The following BCL7A variants were observed in gnomAD, a reference collection of about 807,000 sequenced individuals.
The protein encoded by BCL7A is B-cell CLL/lymphoma 7 protein family member A.
BCL7A carries 11 observed loss-of-function variants against 28.4 expected under a neutral mutation model. The observed-to-expected ratio is 0.39, with a 90% CI of 0.24 to 0.64. The LOEUF is 0.64. Among genes scored for constraint, BCL7A ranks in the 30% least tolerant of loss-of-function variants. The probability of loss-of-function intolerance (pLI) is 0.50; values close to 1 mark genes in which losing one functional copy is unlikely to be tolerated. For missense variants in BCL7A, 222 were observed against 274.8 expected, an observed-to-expected ratio of 0.81 and a Z score of 1.36; for synonymous variants, 123 against 103.3, an observed-to-expected ratio of 1.19 and a Z score of -1.15.
intron 5 of BCL7A, among the ~76,000 whole-genome samples, chr12:122,056,990 G>C (rs1951882686): frequency 6.6e-6 from 1 of 152,108 alleles, no homozygotes; most frequent in Admixed American, 6.5e-5. Flanking sequence ...ATGGACCAGG[G>C]GCTATACCTA....
intron 2 of BCL7A, among the ~76,000 whole-genome samples, chr12:122,033,899 C>G (rs369683203): frequency 6.6e-6 from 1 of 152,114 alleles, no homozygotes; most frequent in South Asian, 2.1e-4. Flanking sequence ...TCGCCTGCCC[C>G]GGTAACCACC....
At position 122,059,453 on chromosome 12, in the gene BCL7A, T is replaced by C. The variant is rs1322600044; in HGVS notation, c.*290T>C. The C allele has an allele frequency of 2.9e-6, 1 of 346,940 alleles. No homozygotes were observed. Among genetic ancestry groups the C allele is most frequent in the Non-Finnish European group, 5.4e-6 (1 of 186,618 alleles). 21.5% of individuals were successfully genotyped at this position (346,940 alleles called of 1,614,324 possible). A position where few individuals can be genotyped will look rare whatever the true frequency, so the allele number is the denominator to read the frequency against. ...GTCTCGGAAGCCAGGATTCCATTTG[T>C]GTTGCTGCTGTATTTTCCCCCCACT... On this transcript the variant is annotated 3_prime_UTR_variant, in exon 6 of 6. Transcript: ENST00000261822. This position sits in a 1 kb window ranked among gnomAD's most constrained non-coding sequence, Gnocchi z 4.0.
intron 4 of BCL7A, among the ~76,000 whole-genome samples, chr12:122,051,612 G>C (rs1310353206): frequency 6.6e-6 from 1 of 152,056 alleles, no homozygotes; most frequent in Non-Finnish European, 1.5e-5. Context: ...GCCTCTGCCG[G>C]GCACCTCTCT....
At chr12:122,023,964 A>T (rs1883545799) in intron 1 of BCL7A, among the ~76,000 whole-genome samples, 1 of 151,958 alleles carries the variant, frequency 6.6e-6, no homozygotes, top group African/African-American at 2.4e-5. Flanking sequence ...GGGGCCTCCT[A>T]CTCCAGGTTC....
In BCL7A at chr12:122,059,883, G is replaced by A. The variant is rs1329127729; in HGVS notation, c.*720G>A. The A allele has an allele frequency of 1.3e-5, 3 of 232,102 alleles. No homozygotes were observed. Among genetic ancestry groups the A allele is most frequent in the Non-Finnish European group, 2.6e-5 (3 of 117,428 alleles). 14.4% of individuals were successfully genotyped at this position (232,102 alleles called of 1,614,324 possible). A position where few individuals can be genotyped will look rare whatever the true frequency, so the allele number is the denominator to read the frequency against. On this transcript the variant is annotated 3_prime_UTR_variant, in exon 6 of 6. Coordinates refer to ENST00000261822, the MANE Select transcript of BCL7A (RefSeq NM_001024808.3). The surrounding 1 kb of genome is among the most constrained non-coding windows in gnomAD (Gnocchi z 4.0). ...GCCCCTTGGATCAGGCTGGGCACTC[G>A]CTGTGCTCTCCCCTCCTTGGGGCGT...
intron 1 of BCL7A, among the ~76,000 whole-genome samples, chr12:122,022,497 G>A (rs1171864179): frequency 9.8e-5 from 14 of 142,148 alleles, no homozygotes; most frequent in Non-Finnish European, 2.2e-4. Flanking sequence ...CTCGGCTCCC[G>A]GGAGGGGGGC....
chr12:122,060,276 GTTCT>G lies in BCL7A; in HGVS notation c.*1114_*1117del. 4.3e-6 allele frequency: 1 copy of G among 233,040 alleles called. No homozygotes were observed. 14.4% of individuals were successfully genotyped at this position (233,040 alleles called of 1,614,324 possible). A position where few individuals can be genotyped will look rare whatever the true frequency, so the allele number is the denominator to read the frequency against. On this transcript the variant is annotated 3_prime_UTR_variant, in exon 6 of 6. Coordinates refer to ENST00000261822, the MANE Select transcript of BCL7A (RefSeq NM_001024808.3). Reference sequence around the variant, plus strand: ...CCACGTGCTTTCCTATTCTCAGGCTGTTCTGACTCTGAGCCAACAGCTGGACCGT... The same window carrying G: ...CCACGTGCTTTCCTATTCTCAGGCTGGACTCTGAGCCAACAGCTGGACCGT...
chr12:122,021,923 T>C lies in BCL7A; in HGVS notation c.-169T>C. The C allele has an allele frequency of 4.9e-6, 2 of 410,624 alleles. No homozygotes were observed. Among genetic ancestry groups the C allele is most frequent in the Non-Finnish European group, 8.5e-6 (2 of 235,414 alleles). The allele number at this position is 410,624 out of a possible 1,614,324, so 25.4% of individuals were successfully genotyped here. On this transcript the variant is annotated 5_prime_UTR_variant, in exon 1 of 6. Transcript: ENST00000261822. ...GCGCGGCGGCCCCGGGCTTTGTGTG[T>C]GTGTGTATGTGTGTGTGTGTGTGTG...
chr12:122,055,877 A>T (rs546669960), intron 5 of BCL7A, among the ~76,000 whole-genome samples: 2 of 152,284 alleles, frequency 1.3e-5, no homozygotes, highest in African/African-American at 4.8e-5. Context: ...TCAGCCTCTC[A>T]AAGTGCTGGG....
intron 4 of BCL7A, among the ~76,000 whole-genome samples, chr12:122,045,552 T>C (rs1425638953): frequency 6.6e-6 from 1 of 152,036 alleles, no homozygotes; most frequent in African/African-American, 2.4e-5. Context: ...GGGGTGATTG[T>C]GTGAGAGTGT....
chr12:122,031,201 G>A (rs943282366), intron 2 of BCL7A, among the ~76,000 whole-genome samples: 3 of 152,030 alleles, frequency 2.0e-5, no homozygotes, highest in African/African-American at 4.8e-5. Flanking sequence ...CAATTTTTTC[G>A]TATTTTTAGT....
chr12:122,050,593 A>C (rs897290419), intron 4 of BCL7A, among the ~76,000 whole-genome samples: 9 of 152,170 alleles, frequency 5.9e-5, no homozygotes, highest in Admixed American at 5.9e-4. Context: ...GGTCACATAC[A>C]GGGGGACACT....
At chr12:122,024,012 C>T (rs191014807) in intron 1 of BCL7A, among the ~76,000 whole-genome samples, 1 of 152,074 alleles carries the variant, frequency 6.6e-6, no homozygotes, top group African/African-American at 2.4e-5. Context: ...GACAGCTGCT[C>T]CCGCAGAGCG....
intron 4 of BCL7A, among the ~76,000 whole-genome samples, chr12:122,050,574 G>A (rs1229379033): frequency 1.3e-5 from 2 of 152,198 alleles, no homozygotes; most frequent in East Asian, 3.9e-4. Context: ...GGGGTGAGAC[G>A]GGGGCTGTGG....
rs756357727 is a variant in BCL7A, at chr12:122,022,182, T to C, written c.91T>C (p.Trp31Arg). 2 of 1,504,652 alleles carry C rather than the reference T, an allele frequency of 1.3e-6. No individual in the cohort carries two copies. Among genetic ancestry groups the C allele is most frequent in the African/African-American group, 1.5e-5 (1 of 67,514 alleles). The allele number at this position is 1,504,652 out of a possible 1,614,324, so 93.2% of individuals were successfully genotyped here. A position where few individuals can be genotyped will look rare whatever the true frequency, so the allele number is the denominator to read the frequency against. Residue 31 changes from tryptophan (W) to arginine (R), a missense_variant and splice_region_variant, in exon 1 of 6, where the codon TGG becomes CGG. Physicochemically the swap from Trp to Arg is moderately radical, Grantham distance 101. Transcript: ENST00000261822. ...GGCGGCGATCGAGAAAGTGCGCAAATGGTAAGCGGAGGCGCCCGCCGCCAG... is the reference window on the plus strand; with the variant it reads ...GGCGGCGATCGAGAAAGTGCGCAAACGGTAAGCGGAGGCGCCCGCCGCCAG... ...VMAAIEKVRK[W>R]EKKWVTVGDT...
At chr12:122,028,499 CT>C (rs1229370625) in intron 1 of BCL7A, among the ~76,000 whole-genome samples, 2 of 151,716 alleles carry the variant, frequency 1.3e-5, no homozygotes, top group African/African-American at 4.8e-5. Flanking sequence ...TAATGAATGG[CT>C]TTGGCCAATC....
intron 4 of BCL7A, among the ~76,000 whole-genome samples, chr12:122,048,445 C>A (rs1884121314): frequency 6.6e-6 from 1 of 151,962 alleles, no homozygotes; most frequent in South Asian, 2.1e-4. Flanking sequence ...CTGTCTTGAC[C>A]TGGTATTAGA....
intron 4 of BCL7A, among the ~76,000 whole-genome samples, chr12:122,051,746 C>T (rs1465272510): frequency 6.6e-6 from 1 of 152,058 alleles, no homozygotes; most frequent in Non-Finnish European, 1.5e-5. Flanking sequence ...AGAAAAGGAG[C>T]TGTGGTCAGA....
chr12:122,056,609 T>A (rs1951879794), intron 5 of BCL7A, among the ~76,000 whole-genome samples: 1 of 152,214 alleles, frequency 6.6e-6, no homozygotes, highest in Non-Finnish European at 1.5e-5. Flanking sequence ...GAGACCAGCC[T>A]GGGCAACATA....
Sources: allele counts gnomAD v4.1 joint callset (sites outside exome capture counted in the v4.1 genomes callset), GRCh38; gene constraint gnomAD v4.1.1; non-coding constraint Gnocchi (gnomAD v3.1); transcripts MANE v1.5; gene names NCBI Gene and HGNC (gene_info 2026-07-23, HGNC 2026-07-21).